The following ZFR variants were observed in gnomAD, a reference collection of about 807,000 sequenced individuals.
The protein encoded by ZFR is zinc finger RNA-binding protein.
In ZFR, 19 loss-of-function variants were observed where a neutral mutation model predicts 130.7. That is an observed-to-expected ratio of 0.15 (90% confidence interval 0.10 to 0.21). ZFR has a LOEUF of 0.21. Among genes scored for constraint, ZFR ranks in the 10% least tolerant of loss-of-function variants. ZFR has a pLI of 1.00. For synonymous variants in ZFR, 466 were observed against 456.9 expected, an observed-to-expected ratio of 1.02 and a Z score of -0.25; for missense variants, 872 against 1,321.5, an observed-to-expected ratio of 0.66 and a Z score of 5.27.
chr5:32,390,112 G>A (rs933172212), intron 12 of ZFR, among the ~76,000 whole-genome samples, 163 bp downstream of exon 12: 1 of 152,218 alleles, frequency 6.6e-6, no homozygotes, highest in Non-Finnish European at 1.5e-5. Context: ...CCGAGATCAC[G>A]CCACTGCACT....
intron 14 of ZFR, 78 bp from the exon 15 acceptor site, chr5:32,385,727 A>C: frequency 6.6e-7 from 1 of 1,516,212 alleles, no homozygotes; most frequent in Non-Finnish European, 9.0e-7. Context: ...TGGCTCTTTC[A>C]CTCTCTTACT....
intron 9 of ZFR, among the ~76,000 whole-genome samples, chr5:32,397,697 C>T (rs1308892331): frequency 3.9e-5 from 6 of 151,980 alleles, no homozygotes; most frequent in Admixed American, 1.3e-4. Flanking sequence ...CCTTGTGATC[C>T]GCCCACCTTG....
chr5:32,372,538 A>G (rs1019508466), intron 17 of ZFR, among the ~76,000 whole-genome samples: 18 of 152,100 alleles, frequency 1.2e-4, no homozygotes, highest in Admixed American at 6.6e-5. Flanking sequence ...AGCCTATTCA[A>G]TAAGAAGCTG....
intron 8 of ZFR, 65 bp from the exon 9 acceptor site, chr5:32,400,268 C>CG: frequency 8.3e-7 from 1 of 1,205,486 alleles, no homozygotes; most frequent in Non-Finnish European, 1.1e-6. Flanking sequence ...CCTGATAAGA[C>CG]GAAAACTTCA....
chr5:32,415,583 G>T (rs1383254822), intron 4 of ZFR, among the ~76,000 whole-genome samples: 2 of 151,766 alleles, frequency 1.3e-5, no homozygotes, highest in East Asian at 1.9e-4. Flanking sequence ...AGGACAGAAT[G>T]AGTTACAATG....
At chr5:32,432,400 A>G (rs746048748) in intron 2 of ZFR, among the ~76,000 whole-genome samples, 21 of 152,170 alleles carry the variant, frequency 1.4e-4, no homozygotes, top group Non-Finnish European at 2.8e-4. Flanking sequence ...TTTCTATGGT[A>G]GTCAGTGATG....
intron 9 of ZFR, among the ~76,000 whole-genome samples, chr5:32,397,605 C>G (rs1167435423): frequency 6.6e-6 from 1 of 152,120 alleles, no homozygotes; most frequent in Non-Finnish European, 1.5e-5. Flanking sequence ...AGGTATGTAA[C>G]ACCACCACGA....
chr5:32,444,481 C>G, intron 1 of ZFR, 141 bp downstream of exon 1: 1 of 1,291,492 alleles, frequency 7.7e-7, no homozygotes, highest in Non-Finnish European at 1.0e-6. Flanking sequence ...CCCCTCCCGC[C>G]TCGCACTCCC....
intron 2 of ZFR, among the ~76,000 whole-genome samples, chr5:32,421,095 C>T (rs1753946994): frequency 6.6e-6 from 1 of 152,068 alleles, no homozygotes; most frequent in Non-Finnish European, 1.5e-5. Context: ...AACTGAAAGC[C>T]TATATCACTA....
chr5:32,426,795 T>C (rs563716061), intron 2 of ZFR, among the ~76,000 whole-genome samples: 2 of 151,738 alleles, frequency 1.3e-5, no homozygotes, highest in East Asian at 1.9e-4. Flanking sequence ...CCCAGCTACT[T>C]GGGAGGCTGA....
At chr5:32,373,366 A>G (rs1248686856) in intron 17 of ZFR, among the ~76,000 whole-genome samples, 1 of 152,094 alleles carries the variant, frequency 6.6e-6, no homozygotes, top group African/African-American at 2.4e-5. Context: ...GCACTCCAGC[A>G]TGGGTGACAG....
chr5:32,417,698 G>A lies in ZFR; in HGVS notation c.515C>T (p.Ala172Val). 1 of 1,613,968 alleles carries A rather than the reference G, an allele frequency of 6.2e-7. No individual in the cohort carries two copies. Among genetic ancestry groups the A allele is most frequent in the Non-Finnish European group, 8.5e-7 (1 of 1,179,880 alleles). ...QQPTATAAAV[A>V]AAAQPQPSVA... Reference sequence around the variant, plus strand: ...AGAAGGCTGAGGTTGGGCAGCGGCAGCTACAGCAGCAGCAGTTGCTGTTGG... The same window carrying A: ...AGAAGGCTGAGGTTGGGCAGCGGCAACTACAGCAGCAGCAGTTGCTGTTGG... The change falls in exon 4 of 20, where the codon GCT (alanine) becomes GTT (valine). Residue 172 changes from alanine to valine, a missense_variant. Physicochemically the swap from Ala to Val is moderately conservative, Grantham distance 64 (BLOSUM62 0). This residue lies in a region of ZFR where 240 missense variants were observed against 441.2 expected (regional missense o/e 0.54). Transcript: ENST00000265069.
chr5:32,372,119 A>G (rs1009640249), intron 17 of ZFR, among the ~76,000 whole-genome samples: 1 of 152,200 alleles, frequency 6.6e-6, no homozygotes, highest in Admixed American at 6.5e-5. Flanking sequence ...AGTGTAGCCT[A>G]CATTTGCTAA....
intron 2 of ZFR, among the ~76,000 whole-genome samples, chr5:32,427,712 A>G (rs537231597): frequency 3.7e-4 from 56 of 152,340 alleles, no homozygotes; most frequent in African/African-American, 1.3e-3. Flanking sequence ...CAAAGTTGGA[A>G]GTCTCACACT....
chr5:32,367,620 C>G (rs1752576187), intron 17 of ZFR, among the ~76,000 whole-genome samples: 1 of 152,038 alleles, frequency 6.6e-6, no homozygotes, highest in Admixed American at 6.6e-5. Context: ...TGCTATGTTG[C>G]CTGAGCTGGT....
intron 2 of ZFR, among the ~76,000 whole-genome samples, chr5:32,431,204 T>C (rs937588638): frequency 2.0e-5 from 3 of 152,200 alleles, no homozygotes; most frequent in Admixed American, 2.0e-4. Flanking sequence ...GTGGTAAATA[T>C]GAAGGTAAAC....
intron 2 of ZFR, 81 bp downstream of exon 2, chr5:32,444,148 G>T: frequency 6.7e-7 from 1 of 1,482,136 alleles, no homozygotes; most frequent in East Asian, 2.6e-5. Context: ...GGCTGGGGAC[G>T]GGCGCGGGGG....
At chr5:32,397,177 GTTTTTT>G (rs1445221081) in intron 10 of ZFR, 36 bp downstream of exon 10, 2 of 1,556,618 alleles carry the variant, frequency 1.3e-6, no homozygotes, top group East Asian at 2.3e-5. Context: ...TTTTGTTTTT[GTTTTTT>G]GTTTTAAAGA....
Position 32,436,262 on chromosome 5 carries a change from C to T in ZFR, c.137+7967G>A, listed in dbSNP as rs1305617499. On this transcript the variant is annotated intron_variant, in intron 2 of 19. Coordinates refer to ENST00000265069, the MANE Select transcript of ZFR (RefSeq NM_016107.5). ...CTCCTGGGTTCACACCATTCTCCTG[C>T]CTCGGCCTCCCGAGTAGCTGGGACT... Among the ~76,000 whole-genome samples the T allele has an allele frequency of 2.7e-5, 4 of 148,760 alleles. No homozygotes were observed. In the East Asian group the frequency reaches 8.0e-4, roughly 30 times the overall value.
Sources: gnomAD v4.1 joint callset for allele counts (sites outside exome capture counted in the v4.1 genomes callset) on GRCh38, gnomAD v4.1.1 for gene constraint, gnomAD v4.1.1 regional missense constraint, MANE v1.5 for transcripts, NCBI Gene and HGNC (gene_info 2026-07-23, HGNC 2026-07-21) for gene names.